Variants in DMKN observed in about 807,000 individuals in gnomAD.
The protein encoded by DMKN is epidermis-specific secreted protein SK30/SK89.
DMKN carries 58 observed loss-of-function variants against 67.6 expected under a neutral mutation model. The ratio of observed to expected loss-of-function variants is 0.86; its 90% confidence interval spans 0.69 to 1.07. The LOEUF is 1.07. Among genes scored for constraint, DMKN ranks in the 50% least tolerant of loss-of-function variants. DMKN has a pLI of 0.00. For synonymous variants in DMKN, 240 were observed against 232.3 expected, an observed-to-expected ratio of 1.03 and a Z score of -0.30; for missense variants, 596 against 601.5, an observed-to-expected ratio of 0.99 and a Z score of 0.10.
Position 35,512,671 on chromosome 19 carries a change from G to T in DMKN, c.546C>A (p.Gly182=), listed in dbSNP as rs143356201. The change falls in exon 2 of 16, where the codon GGC becomes GGA. Residue 182 remains glycine (G), a synonymous_variant. Coordinates refer to ENST00000339686, the MANE Select transcript of DMKN (RefSeq NM_033317.5). ...WVHGYPGNSA[G]SFGMNPQGAP... is the part of the protein sequence containing the mutation. ...CTCCCTGAGGATTCATTCCAAAGCT[G>T]CCTGCTGAGTTTCCGGGGTATCCGT... 2 of 1,614,206 alleles carry T rather than the reference G, an allele frequency of 1.2e-6. No individual in the cohort carries two copies. The highest frequency in any genetic ancestry group is 1.3e-5 in the African/African-American group (1 of 75,052).
Position 35,498,867 on chromosome 19 carries a change from T to C in DMKN, c.1383+7A>G, listed in dbSNP as rs1366104568. 5.6e-6 allele frequency: 9 copies of C among 1,614,010 alleles called. No homozygotes were observed. The highest frequency in any genetic ancestry group is 6.8e-6 in the Non-Finnish European group (8 of 1,179,990). ...CAGCCAGATGAAGATCAGGCCCCCA[T>C]ACTCACCGAGGAAGAAGGTGAGACT... On this transcript the variant is annotated splice_region_variant and intron_variant, in intron 14 of 15. Transcript: ENST00000339686.
Position 35,499,930 on chromosome 19 carries a change from G to A in DMKN, c.1359+28C>T, listed in dbSNP as rs200896573. On this transcript the variant is annotated intron_variant, in intron 13 of 15. Coordinates refer to ENST00000339686, the MANE Select transcript of DMKN (RefSeq NM_033317.5). Reference sequence around the variant, plus strand: ...CCATCCCTCATGCAGAGCCCCCAGCGGGAAGACAGGGTGGTTGCCGGTCTC... The same window carrying A: ...CCATCCCTCATGCAGAGCCCCCAGCAGGAAGACAGGGTGGTTGCCGGTCTC... 4.8e-4 allele frequency: 768 copies of A among 1,612,404 alleles called. 4 individuals carry two copies. The African/African-American group carries it at 5.8e-3, about 12-fold the overall frequency.
intron 4 of DMKN, 61 bp from the exon 5 acceptor site, chr19:35,511,654 C>G (rs1178525853): frequency 2.5e-6 from 4 of 1,592,186 alleles, no homozygotes; most frequent in Non-Finnish European, 3.4e-6. Context: ...CGGGCCCCTC[C>G]TCCCTCCCTC....
chr19:35,502,868 T>TG lies in DMKN; in HGVS notation c.1152dup (p.Ser385GlnfsTer29), dbSNP rs768979175. 1.1e-5 allele frequency: 17 copies of TG among 1,613,730 alleles called. No individual in the cohort carries two copies. The highest frequency in any genetic ancestry group is 1.0e-4 in the Admixed American group (6 of 59,970). The stretch of plus-strand genomic sequence containing the variant: ...CTGAAGTAGAGGAGGGCTCGGGTGC[T>TG]GGGGGGCGGGACCTGGTTCTGTGGA... On this transcript the variant is annotated frameshift_variant, in exon 10 of 16. Transcript: ENST00000339686. LOFTEE classifies it high-confidence loss of function.
rs910056009 is a variant in DMKN, at chr19:35,503,223, C to T, written c.1135-337G>A. ...GCCGGGCCTCCTCCAGCCCGTTTCC[C>T]GAAGCTGTGGGGCTGCAGCCACCCC... On this transcript the variant is annotated intron_variant, in intron 9 of 15. Transcript: ENST00000339686. 153 of 1,445,646 alleles carry T rather than the reference C, an allele frequency of 1.1e-4. 1 individual carries two copies. The East Asian group carries it at 3.5e-3, about 33-fold the overall frequency. 89.6% of individuals were successfully genotyped at this position (1,445,646 alleles called of 1,614,324 possible).
In DMKN at chr19:35,512,639, C is replaced by A; in HGVS notation, c.578G>T (p.Trp193Leu). ...SFGMNPQGAP[W>L]GQGGNGGPPN... ...TGGCCCTCCATTGCCTCCTTGACCC[C>A]AGGGAGCTCCCTGAGGATTCATTCC... The change falls in exon 2 of 16, where the codon TGG (tryptophan) becomes TTG (leucine). Residue 193 changes from tryptophan to leucine, a missense_variant. By Grantham distance (61) the Trp-to-Leu change is moderately conservative (BLOSUM62 -2). Transcript: ENST00000339686. 1.2e-6 allele frequency: 2 copies of A among 1,614,180 alleles called. No homozygotes were observed. Among genetic ancestry groups the A allele is most frequent in the Non-Finnish European group, 1.7e-6 (2 of 1,180,022 alleles).
intron 3 of DMKN, 45 bp downstream of exon 3, chr19:35,512,375 CT>C: frequency 6.2e-7 from 1 of 1,607,332 alleles, no homozygotes; most frequent in Non-Finnish European, 8.5e-7. Context: ...TCTCTGTAGC[CT>C]GCACCCAGTG....
intron 7 of DMKN, chr19:35,509,632 T>G: frequency 2.4e-6 from 1 of 419,544 alleles, no homozygotes. Context: ...ATAGAGGACA[T>G]TTAAGACAAT....
At position 35,513,472 on chromosome 19, in the gene DMKN, T is replaced by G; in HGVS notation, c.4A>C (p.Lys2Gln). The G allele has an allele frequency of 5.0e-6, 8 of 1,595,742 alleles. No individual in the cohort carries two copies. Among genetic ancestry groups the G allele is most frequent in the Non-Finnish European group, 5.9e-6 (7 of 1,178,338 alleles). The change falls in exon 1 of 16, where the codon AAG becomes CAG. Residue 2 changes from lysine (K) to glutamine (Q), a missense_variant. By Grantham distance (53) the Lys-to-Gln change is moderately conservative. Coordinates refer to ENST00000339686, the MANE Select transcript of DMKN (RefSeq NM_033317.5). M[K>Q]FQGPLACLLL... ...AGGCAGGCCAGGGGCCCCTGGAACT[T>G]CATCTCTGCCCAGCCCCCTCTCTCT...
chr19:35,504,113 T>G (rs921272205), intron 9 of DMKN, among the ~76,000 whole-genome samples: 1 of 152,136 alleles, frequency 6.6e-6, no homozygotes, highest in Non-Finnish European at 1.5e-5. Context: ...CCCAGATGGA[T>G]CCTGCCTCAC....
chr19:35,512,989 A>C, intron 1 of DMKN, 61 bp downstream of exon 1: 2 of 1,595,578 alleles, frequency 1.3e-6, no homozygotes, highest in South Asian at 1.1e-5. Context: ...CCGTTTCCCA[A>C]GAATCTCAGC....
chr19:35,512,643 G>A lies in DMKN; in HGVS notation c.574C>T (p.Pro192Ser). The A allele has an allele frequency of 6.2e-7, 1 of 1,614,176 alleles. No homozygotes were observed. The highest frequency in any genetic ancestry group is 8.5e-7 in the Non-Finnish European group (1 of 1,180,026). Reference sequence around the variant, plus strand: ...CCTCCATTGCCTCCTTGACCCCAGGGAGCTCCCTGAGGATTCATTCCAAAG... The same window carrying A: ...CCTCCATTGCCTCCTTGACCCCAGGAAGCTCCCTGAGGATTCATTCCAAAG... ...GSFGMNPQGA[P>S]WGQGGNGGPP... Residue 192 changes from proline (P) to serine (S), a missense_variant, in exon 2 of 16, where the codon CCC becomes TCC. Pro to Ser is a moderately conservative substitution (Grantham distance 74). Transcript: ENST00000339686.
rs145561433 is a variant in DMKN, at chr19:35,511,585, G to A, written c.744C>T (p.Ser248=). ...GGGSSNSGGG[S]GSQSGSSGSG... The stretch of plus-strand genomic sequence containing the variant: ...TGCCACTGCTGCCCGACTGTGAGCC[G>A]CTGCCTCCCTGAGGGGCAGGAAGGG... Residue 248 remains serine (S), a synonymous_variant, in exon 5 of 16, where the codon AGC becomes AGT. Coordinates refer to ENST00000339686, the MANE Select transcript of DMKN (RefSeq NM_033317.5). 5.1e-5 allele frequency: 82 copies of A among 1,610,822 alleles called. No individual in the cohort carries two copies. Among genetic ancestry groups the A allele is most frequent in the African/African-American group, 1.7e-4 (13 of 74,672 alleles).
At position 35,504,749 on chromosome 19, in the gene DMKN, C is replaced by G. The variant is rs368064920; in HGVS notation, c.1134+969G>C. ...CCTGAGCCCAGTCTTCTCTCTTTTA[C>G]ATTAAAGGCCAGAAACTCCACTGCT... On this transcript the variant is annotated intron_variant, in intron 9 of 15. Coordinates refer to ENST00000339686, the MANE Select transcript of DMKN (RefSeq NM_033317.5). Among the ~76,000 whole-genome samples the G allele has an allele frequency of 2.0e-5, 3 of 152,136 alleles. No homozygotes were observed. The South Asian group carries it at 6.2e-4, about 32-fold the overall frequency.
rs368351185 is a variant in DMKN, at chr19:35,502,812, C to T, written c.1191+18G>A. ...AGGGCCAGGCCCCCAGTTCTTCAAACAGCAAGAATTCTCCTACCTCCCAGA... is the reference window on the plus strand; with the variant it reads ...AGGGCCAGGCCCCCAGTTCTTCAAATAGCAAGAATTCTCCTACCTCCCAGA... On this transcript the variant is annotated intron_variant, in intron 10 of 15. Coordinates refer to ENST00000339686, the MANE Select transcript of DMKN (RefSeq NM_033317.5). The T allele has an allele frequency of 1.2e-4, 200 of 1,613,798 alleles. No individual in the cohort carries two copies. Among genetic ancestry groups the T allele is most frequent in the Non-Finnish European group, 1.6e-4 (184 of 1,179,940 alleles).
At chr19:35,502,011 G>A (rs961348893) in intron 11 of DMKN, 125 bp downstream of exon 11, 25 of 1,570,018 alleles carry the variant, frequency 1.6e-5, no homozygotes, top group East Asian at 9.2e-5. Flanking sequence ...GCCCCCACTC[G>A]GGATTGCACA....
chr19:35,504,885 A>C (rs2069146538), intron 9 of DMKN, among the ~76,000 whole-genome samples: 1 of 147,186 alleles, frequency 6.8e-6, no homozygotes, highest in South Asian at 2.2e-4. Flanking sequence ...GCCAAGCAGC[A>C]GCTGTTTCTC....
rs1427919356 is a variant in DMKN, at chr19:35,511,400, G to A, written c.918+11C>T. ...CCCCATCTCAGCCTTCCACAGAGGT[G>A]CCAAACTCACCCAGGAGGACTCACT... is the stretch of plus-strand genomic sequence containing the variant. On this transcript the variant is annotated intron_variant, in intron 5 of 15. Transcript: ENST00000339686. The A allele has an allele frequency of 1.2e-5, 20 of 1,607,356 alleles. No individual in the cohort carries two copies. In the Middle Eastern group the frequency reaches 6.7e-4, roughly 54 times the overall value.
Position 35,502,118 on chromosome 19 carries a change from A to G in DMKN, c.1239+18T>C. 4.3e-6 allele frequency: 7 copies of G among 1,613,998 alleles called. No homozygotes were observed. Among genetic ancestry groups the G allele is most frequent in the Non-Finnish European group, 5.9e-6 (7 of 1,180,026 alleles). ...CCGAACCCTGTGTCCCAGAGCTGAG[A>G]AGTCCTGCCCCCCTTACCTCAATAA... is the stretch of plus-strand genomic sequence containing the variant. On this transcript the variant is annotated intron_variant, in intron 11 of 15. Transcript: ENST00000339686.
Sources: gnomAD v4.1 joint callset for allele counts (sites outside exome capture counted in the v4.1 genomes callset) on GRCh38, gnomAD v4.1.1 for gene constraint, MANE v1.5 for transcripts, NCBI Gene and HGNC (gene_info 2026-07-23, HGNC 2026-07-21) for gene names.